The following RSPH3 variants were observed in gnomAD, a reference collection of about 807,000 sequenced individuals.
RSPH3 encodes radial spoke head protein 3 homolog.
In RSPH3, 21 loss-of-function variants were observed where a neutral mutation model predicts 43.8. The observed-to-expected ratio is 0.48, with a 90% CI of 0.34 to 0.69. The LOEUF (loss-of-function observed/expected upper bound fraction) is 0.69. Among genes scored for constraint, RSPH3 ranks in the 30% least tolerant of loss-of-function variants. RSPH3 has a pLI of 0.01. For missense variants in RSPH3, 487 were observed against 516.0 expected (o/e 0.94, Z 0.54); for synonymous variants, 173 against 179.8 (o/e 0.96, Z 0.30).
intron 2 of RSPH3, among the ~76,000 whole-genome samples, chr6:158,988,743 A>G (rs1269355080): frequency 1.3e-5 from 2 of 152,140 alleles, no homozygotes; most frequent in African/African-American, 4.8e-5. Flanking sequence ...GATTTTTAAA[A>G]ATTATTTCAA....
chr6:158,993,109 C>T (rs1000518889), intron 2 of RSPH3, among the ~76,000 whole-genome samples: 3 of 151,310 alleles, frequency 2.0e-5, no homozygotes, highest in Non-Finnish European at 3.0e-5. Context: ...TCTGTTGAAT[C>T]GAATGAAAAA....
rs781413612 is a variant in RSPH3, at chr6:158,993,933, A to T, written c.117-7T>A. The stretch of plus-strand genomic sequence containing the variant: ...ATGCATAGGTTCTTCATCTCTGTAA[A>T]ACAGAAAATTCTGTATAACCACTTT... On this transcript the variant is annotated splice_region_variant and splice_polypyrimidine_tract_variant and intron_variant, in intron 1 of 7. Transcript: ENST00000367069. 13 of 1,565,010 alleles carry T rather than the reference A, an allele frequency of 8.3e-6. No homozygotes were observed. In the South Asian group the frequency reaches 1.2e-4, roughly 15 times the overall value.
downstream of RSPH3, among the ~76,000 whole-genome samples, chr6:158,970,311 A>C (rs1042484439): frequency 6.6e-6 from 1 of 152,074 alleles, no homozygotes; most frequent in African/African-American, 2.4e-5. Context: ...AGATTTCCTT[A>C]AGTGCCCTGA....
At position 159,000,067 on chromosome 6, in the gene RSPH3, C is replaced by G. The variant is rs1406744926; in HGVS notation, c.-517G>C. 1 of 1,300,292 alleles carries G rather than the reference C, an allele frequency of 7.7e-7. No homozygotes were observed. The highest frequency in any genetic ancestry group is 1.5e-5 in the African/African-American group (1 of 67,088). 80.5% of individuals were successfully genotyped at this position (1,300,292 alleles called of 1,614,324 possible). ...TGGTGTTGGCGCCATTCTCGCAGGC[C>G]CACGTGCTCCTGCTCTTCCAGGGTG... On this transcript the variant is annotated 5_prime_UTR_variant, in exon 1 of 8. Coordinates refer to ENST00000367069, the MANE Select transcript of RSPH3 (RefSeq NM_031924.8).
chr6:158,975,537 C>T lies in RSPH3; in HGVS notation c.*2001G>A, dbSNP rs1295611781. ...GTTTCTTTATTTACATCATTTACTT[C>T]ATTTAGCTCCACTGCTAGGCTGTAA... On this transcript the variant is annotated 3_prime_UTR_variant, in exon 8 of 8. Coordinates refer to ENST00000367069, the MANE Select transcript of RSPH3 (RefSeq NM_031924.8). 1 of 152,188 alleles carries T rather than the reference C, an allele frequency of 6.6e-6. No individual in the cohort carries two copies. The highest frequency in any genetic ancestry group is 1.5e-5 in the Non-Finnish European group (1 of 68,042). 9.4% of individuals were successfully genotyped at this position (152,188 alleles called of 1,614,324 possible). A position where few individuals can be genotyped will look rare whatever the true frequency, so the allele number is the denominator to read the frequency against.
At chr6:158,990,138 G>T (rs1778358511) in intron 2 of RSPH3, among the ~76,000 whole-genome samples, 2 of 152,106 alleles carry the variant, frequency 1.3e-5, no homozygotes, top group African/African-American at 4.8e-5. Context: ...ATGGCCTATT[G>T]TGGGACCTCG....
intron 6 of RSPH3, 56 bp downstream of exon 6, chr6:158,980,718 A>G: frequency 1.5e-6 from 2 of 1,340,846 alleles, no homozygotes; most frequent in Non-Finnish European, 1.0e-6. Flanking sequence ...ATAAATTTGA[A>G]CCATTAAGAG....
chr6:158,992,114 T>C (rs1255603514), intron 2 of RSPH3, among the ~76,000 whole-genome samples: 1 of 151,028 alleles, frequency 6.6e-6, no homozygotes, highest in Non-Finnish European at 1.5e-5. Flanking sequence ...GGTGGGTTCT[T>C]CACATCCCTC....
Position 159,000,155 on chromosome 6 carries a change from C to A in RSPH3, c.-605G>T, listed in dbSNP as rs1382391100. ...CCCAGGCTGCCCCCGCGATAACACGCCCCTGGCAGCCAGGCTCCCAGCTCT... is the reference window on the plus strand; with the variant it reads ...CCCAGGCTGCCCCCGCGATAACACGACCCTGGCAGCCAGGCTCCCAGCTCT... On this transcript the variant is annotated 5_prime_UTR_variant, in exon 1 of 8. Transcript: ENST00000367069. The A allele has an allele frequency of 1.6e-6, 1 of 619,204 alleles. No homozygotes were observed. Among genetic ancestry groups the A allele is most frequent in the Non-Finnish European group, 2.7e-6 (1 of 374,542 alleles). 38.4% of individuals were successfully genotyped at this position (619,204 alleles called of 1,614,324 possible). A position where few individuals can be genotyped will look rare whatever the true frequency, so the allele number is the denominator to read the frequency against.
At chr6:158,986,096 G>A (rs79827641) in intron 3 of RSPH3, among the ~76,000 whole-genome samples, 184 bp downstream of exon 3, 1 of 152,120 alleles carries the variant, frequency 6.6e-6, no homozygotes, top group Non-Finnish European at 1.5e-5. Flanking sequence ...GATTACAGGC[G>A]TGAGCCAGCA....
At chr6:158,971,636 T>C (rs1471091309), downstream of RSPH3, among the ~76,000 whole-genome samples, 1 of 152,188 alleles carries the variant, frequency 6.6e-6, no homozygotes, top group African/African-American at 2.4e-5. Context: ...ATCTAACATA[T>C]TGTAGGGTCA....
downstream of RSPH3, among the ~76,000 whole-genome samples, chr6:158,969,932 C>T (rs1777675548): frequency 6.6e-6 from 1 of 152,100 alleles, no homozygotes; most frequent in Non-Finnish European, 1.5e-5. Flanking sequence ...ATTCTTTAGA[C>T]ATGGTTTTCT....
At chr6:158,982,909 A>G (rs1778083870) in intron 4 of RSPH3, among the ~76,000 whole-genome samples, 1 of 152,194 alleles carries the variant, frequency 6.6e-6, no homozygotes. Context: ...AAACCTACGC[A>G]TTCATCAAAA....
downstream of RSPH3, among the ~76,000 whole-genome samples, chr6:158,970,026 T>C (rs1285640661): frequency 1.3e-5 from 2 of 152,140 alleles, no homozygotes; most frequent in East Asian, 3.8e-4. Context: ...CAGTTTCTAT[T>C]GACTGCTTTT....
At position 158,973,134 on chromosome 6, in the gene RSPH3, AG is replaced by A. The variant is rs1461121672; in HGVS notation, c.*4403del. 4 of 152,248 alleles carry A rather than the reference AG, an allele frequency of 2.6e-5. No homozygotes were observed. The highest frequency in any genetic ancestry group is 9.6e-5 in the African/African-American group (4 of 41,460). 9.4% of individuals were successfully genotyped at this position (152,248 alleles called of 1,614,324 possible). On this transcript the variant is annotated 3_prime_UTR_variant, in exon 8 of 8. Coordinates refer to ENST00000367069, the MANE Select transcript of RSPH3 (RefSeq NM_031924.8). ...TAGTGGGGAAGTGAAGCTCATGTTTAGGCCTTTTCATAATGTCTTTATGCTA... is the reference window on the plus strand; with the variant it reads ...TAGTGGGGAAGTGAAGCTCATGTTTAGCCTTTTCATAATGTCTTTATGCTA...
At chr6:158,997,303 G>A (rs1408531998) in intron 1 of RSPH3, among the ~76,000 whole-genome samples, 8 of 127,170 alleles carry the variant, frequency 6.3e-5, no homozygotes, top group South Asian at 2.3e-4. Context: ...ACAGAGTTTC[G>A]CTTTGTCGCC....
chr6:158,981,362 G>A (rs2128606341), intron 5 of RSPH3, among the ~76,000 whole-genome samples: 1 of 152,208 alleles, frequency 6.6e-6, no homozygotes, highest in East Asian at 1.9e-4. Context: ...GATTATGAAA[G>A]CCTCTTATTT....
chr6:158,993,902 T>G lies in RSPH3; in HGVS notation c.141A>C (p.Gly47=). The change falls in exon 2 of 8, where the codon GGA becomes GGC. Residue 47 remains glycine (G), a synonymous_variant. Transcript: ENST00000367069. Reference sequence around the variant, plus strand: ...TTACCCTTCTGTCATACATTATGTTTCCATAATGCATAGGTTCTTCATCTC... The same window carrying G: ...TTACCCTTCTGTCATACATTATGTTGCCATAATGCATAGGTTCTTCATCTC... ...TQPDEEPMHY[G]NIMYDRRVIR... is the part of the protein sequence containing the mutation. 1 of 1,608,188 alleles carries G rather than the reference T, an allele frequency of 6.2e-7. No individual in the cohort carries two copies. Among genetic ancestry groups the G allele is most frequent in the Non-Finnish European group, 8.5e-7 (1 of 1,174,770 alleles).
At chr6:158,982,932 C>T (rs1778084668) in intron 4 of RSPH3, among the ~76,000 whole-genome samples, 2 of 152,124 alleles carry the variant, frequency 1.3e-5, no homozygotes, top group Admixed American at 1.3e-4. Context: ...AACCCTGACA[C>T]TGAAGAGAAA....
Sources: gnomAD v4.1 joint callset for allele counts (sites outside exome capture counted in the v4.1 genomes callset) on GRCh38, gnomAD v4.1.1 for gene constraint, MANE v1.5 for transcripts, NCBI Gene and HGNC (gene_info 2026-07-23, HGNC 2026-07-21) for gene names.